The following PCNX4 variants were observed in gnomAD, a reference collection of about 807,000 sequenced individuals.
The protein encoded by PCNX4 is pecanex 4.
PCNX4 carries 103 observed loss-of-function variants against 107.2 expected under a neutral mutation model. The ratio of observed to expected loss-of-function variants is 0.96; its 90% CI spans 0.82 to 1.13. The LOEUF is 1.13. Among genes scored for constraint, PCNX4 ranks in the 50% most tolerant of loss-of-function variants. The probability of loss-of-function intolerance (pLI) is 0.00; values close to 1 mark genes in which losing one functional copy is unlikely to be tolerated. For synonymous variants in PCNX4, 541 were observed against 481.7 expected, an observed-to-expected ratio of 1.12 and a Z score of -1.61; for missense variants, 1,528 against 1,379.4, an observed-to-expected ratio of 1.11 and a Z score of -1.71.
rs1398044695 is a variant in PCNX4 at position 60,115,298 on chromosome 14, A to G, written c.1194A>G (p.Leu398=). 6.2e-7 allele frequency: 1 copy of G among 1,607,756 alleles called. No individual in the cohort carries two copies. The highest frequency in any genetic ancestry group is 2.2e-5 in the East Asian group (1 of 44,836). Residue 398 remains leucine, a synonymous_variant, in exon 4 of 11, where the codon TTA becomes TTG. Transcript: ENST00000406854. ...QAIVGYGLMI[L]LIILWILREI... is the part of the protein sequence containing the mutation. Reference sequence around the variant, plus strand: ...TTGTGGGCTATGGTTTGATGATATTACTTATAATACTGTGGATACTTAGAG... The same window carrying G: ...TTGTGGGCTATGGTTTGATGATATTGCTTATAATACTGTGGATACTTAGAG...
Position 60,142,999 on chromosome 14 carries a change from A to C in PCNX4, c.*8778A>C, listed in dbSNP as rs1439961692. On this transcript the variant is annotated 3_prime_UTR_variant, in exon 11 of 11. Transcript: ENST00000406854. This position sits in a 1 kb window ranked among gnomAD's most constrained non-coding sequence, Gnocchi z 4.7. ...AAAGAAAGAAAGAAAAAAATGCCATACAGATGAATCTTTAAAGATTTTAAT... is the reference window on the plus strand; with the variant it reads ...AAAGAAAGAAAGAAAAAAATGCCATCCAGATGAATCTTTAAAGATTTTAAT... The C allele has an allele frequency of 1.3e-5, 2 of 152,248 alleles. No individual in the cohort carries two copies. The highest frequency in any genetic ancestry group is 4.8e-5 in the African/African-American group (2 of 41,446). 9.4% of individuals were successfully genotyped at this position (152,248 alleles called of 1,614,324 possible).
intron 8 of PCNX4, 49 bp from the exon 9 acceptor site, chr14:60,124,169 T>G: frequency 7.2e-7 from 1 of 1,393,804 alleles, no homozygotes; most frequent in Non-Finnish European, 9.6e-7. Flanking sequence ...TTGCTGTATA[T>G]TATGTAATAA....
chr14:60,107,667 A>C lies in PCNX4; in HGVS notation c.29A>C (p.Asp10Ala). The C allele has an allele frequency of 6.2e-7, 1 of 1,612,722 alleles. No individual in the cohort carries two copies. The highest frequency in any genetic ancestry group is 8.5e-7 in the Non-Finnish European group (1 of 1,179,838). ...AGTCCAGATGTGCCTCTACTGAATG[A>C]TTACAAGCAGGACTTCTTTCTGAAG... is the stretch of plus-strand genomic sequence containing the variant. MSPDVPLLN[D>A]YKQDFFLKRF... is the part of the protein sequence containing the mutation. Residue 10 changes from aspartate (D) to alanine (A), a missense_variant, in exon 2 of 11, where the codon GAT (aspartate) becomes GCT (alanine). Transcript: ENST00000406854.
chr14:60,129,738 A>C (rs1896120936), intron 10 of PCNX4, among the ~76,000 whole-genome samples: 1 of 152,234 alleles, frequency 6.6e-6, no homozygotes. Flanking sequence ...GAACGTTGTA[A>C]GAGTAATATT....
At chr14:60,095,970 CT>C (rs1199163531) in intron 1 of PCNX4, among the ~76,000 whole-genome samples, 1 of 152,154 alleles carries the variant, frequency 6.6e-6, no homozygotes, top group Non-Finnish European at 1.5e-5. Flanking sequence ...TACCCTAGCC[CT>C]TTCAGTTCAT....
intron 1 of PCNX4, among the ~76,000 whole-genome samples, chr14:60,095,985 C>T (rs1230371500): frequency 6.6e-6 from 1 of 152,172 alleles, no homozygotes; most frequent in Non-Finnish European, 1.5e-5. Context: ...AGTTCATTGA[C>T]ATATTTGCAG....
In PCNX4 at chr14:60,147,246, AT is replaced by A. The variant is rs1896430936; in HGVS notation, c.*13026del. On this transcript the variant is annotated 3_prime_UTR_variant, in exon 11 of 11. Transcript: ENST00000406854. ...CGAGACCCTGTCTCAAAGAAAAAAAATGGTAGATATTTTCAGTTATAAGATA... is the reference window on the plus strand; with the variant it reads ...CGAGACCCTGTCTCAAAGAAAAAAAAGGTAGATATTTTCAGTTATAAGATA... The A allele has an allele frequency of 6.6e-6, 1 of 152,160 alleles. No individual in the cohort carries two copies. Among genetic ancestry groups the A allele is most frequent in the South Asian group, 2.1e-4 (1 of 4,830 alleles). The allele number at this position is 152,160 out of a possible 1,614,324, so 9.4% of individuals were successfully genotyped here. A position where few individuals can be genotyped will look rare whatever the true frequency, so the allele number is the denominator to read the frequency against.
intron 8 of PCNX4, among the ~76,000 whole-genome samples, chr14:60,122,479 T>G (rs1351646181): frequency 2.0e-5 from 3 of 152,028 alleles, no homozygotes; most frequent in African/African-American, 7.2e-5. Context: ...ACTCCCTCCC[T>G]CACCACTTTC....
intron 1 of PCNX4, among the ~76,000 whole-genome samples, chr14:60,100,816 C>A (rs183900973): frequency 4.4e-4 from 67 of 152,208 alleles, no homozygotes; most frequent in Admixed American, 1.6e-3. Context: ...AATGTTTTAC[C>A]CAAAAATATA....
rs769252155 is a variant in PCNX4 at position 60,115,501 on chromosome 14, T to C, written c.1357+40T>C. Reference sequence around the variant, plus strand: ...TCTATTAACCTTGTGTTACAAATCATATCCTGGAAGTATTCAAAAATATTA... The same window carrying C: ...TCTATTAACCTTGTGTTACAAATCACATCCTGGAAGTATTCAAAAATATTA... On this transcript the variant is annotated intron_variant, in intron 4 of 10. Coordinates refer to ENST00000406854, the MANE Select transcript of PCNX4 (RefSeq NM_001330177.2). The C allele has an allele frequency of 3.3e-6, 5 of 1,500,228 alleles. No individual in the cohort carries two copies. In the African/African-American group the frequency reaches 5.6e-5, roughly 17 times the overall value. The allele number at this position is 1,500,228 out of a possible 1,614,324, so 92.9% of individuals were successfully genotyped here.
rs571237876 is a variant in PCNX4, at chr14:60,117,338, A to T, written c.1579-991A>T. On this transcript the variant is annotated intron_variant, in intron 6 of 10. Coordinates refer to ENST00000406854, the MANE Select transcript of PCNX4 (RefSeq NM_001330177.2). Reference sequence around the variant, plus strand: ...GTACAATTTCAATGTTTAGATACACAAATACTTAACATTGTGTTACAGATG... The same window carrying T: ...GTACAATTTCAATGTTTAGATACACTAATACTTAACATTGTGTTACAGATG... 4.5e-4 allele frequency among the ~76,000 whole-genome samples: 68 copies of T among 152,318 alleles called. 1 individual carries two copies. The Middle Eastern group carries it at 0.02, about 46-fold the overall frequency.
chr14:60,133,709 A>G (rs1182512430), intron 10 of PCNX4: 1 of 606,740 alleles, frequency 1.6e-6, no homozygotes. Flanking sequence ...AGACAAAGAG[A>G]AGTGACTAAG....
At chr14:60,097,710 A>G (rs1895451539) in intron 1 of PCNX4, among the ~76,000 whole-genome samples, 1 of 152,230 alleles carries the variant, frequency 6.6e-6, no homozygotes, top group Non-Finnish European at 1.5e-5. Context: ...TTGGGAGCAG[A>G]ATCATAGCAT....
rs1021227404 is a variant in PCNX4, at chr14:60,142,694, T to C, written c.*8473T>C. On this transcript the variant is annotated 3_prime_UTR_variant, in exon 11 of 11. Coordinates refer to ENST00000406854, the MANE Select transcript of PCNX4 (RefSeq NM_001330177.2). The surrounding 1 kb of genome is among the most constrained non-coding windows in gnomAD (Gnocchi z 4.7). ...AATTACATGCCATAGAAAAATACCA[T>C]ACACAGGCCGGGAGCGGTGGCACTT... 1.3e-5 allele frequency: 2 copies of C among 152,050 alleles called. No homozygotes were observed. Among genetic ancestry groups the C allele is most frequent in the African/African-American group, 4.8e-5 (2 of 41,382 alleles). 9.4% of individuals were successfully genotyped at this position (152,050 alleles called of 1,614,324 possible).
intron 7 of PCNX4, among the ~76,000 whole-genome samples, chr14:60,120,491 T>C (rs918822533): frequency 6.6e-6 from 1 of 152,194 alleles, no homozygotes; most frequent in Non-Finnish European, 1.5e-5. Flanking sequence ...TTTTGAAGGA[T>C]AGTAGTTGGT....
At chr14:60,123,835 CTACTGTATA>C (rs1300217820) in intron 8 of PCNX4, among the ~76,000 whole-genome samples, 1 of 152,088 alleles carries the variant, frequency 6.6e-6, no homozygotes, top group African/African-American at 2.4e-5. Context: ...GCATATAATA[CTACTGTATA>C]TACTGTATAA....
intron 1 of PCNX4, among the ~76,000 whole-genome samples, chr14:60,106,878 T>A (rs1895640222): frequency 6.6e-6 from 1 of 152,168 alleles, no homozygotes; most frequent in Admixed American, 6.5e-5. Flanking sequence ...CAGAATAAGT[T>A]GCAAGGAATA....
rs76840281 is a variant in PCNX4 at position 60,121,912 on chromosome 14, A to C, written c.2046+613A>C. On this transcript the variant is annotated intron_variant, in intron 8 of 10. Transcript: ENST00000406854. ...TTTACACAGCTATTCTCTTCTTTTC[A>C]CTTGTTTCATGGGTTACTTCTCTAC... Among the ~76,000 whole-genome samples the C allele has an allele frequency of 3.4e-3, 509 of 151,886 alleles. 17 individuals carry two copies. The East Asian group carries it at 0.057, about 17-fold the overall frequency.
At chr14:60,111,432 A>G (rs970308702) in intron 2 of PCNX4, among the ~76,000 whole-genome samples, 15 of 152,218 alleles carry the variant, frequency 9.9e-5, no homozygotes, top group African/African-American at 7.2e-5. Context: ...TTTACTGACT[A>G]TAAAATATAT....
Sources: gnomAD v4.1 joint callset for allele counts (sites outside exome capture counted in the v4.1 genomes callset) on GRCh38, gnomAD v4.1.1 for gene constraint, Gnocchi (gnomAD v3.1) non-coding constraint, MANE v1.5 for transcripts, NCBI Gene and HGNC (gene_info 2026-07-23, HGNC 2026-07-21) for gene names.